NPY1R: variants seen among roughly 807,000 people sequenced by gnomAD.
NPY1R encodes neuropeptide Y receptor type 1.
NPY1R carries 10 observed loss-of-function variants against 24.1 expected under a neutral mutation model. The observed-to-expected ratio is 0.42, with a 90% CI of 0.26 to 0.71. The LOEUF is 0.71. Ranked by LOEUF, NPY1R falls within the 30% of genes least tolerant of loss-of-function variation. The pLI, the probability that NPY1R is intolerant of heterozygous loss-of-function variation, is 0.28. For synonymous variants in NPY1R, 168 were observed against 165.9 expected, an observed-to-expected ratio of 1.01 and a Z score of -0.10; for missense variants, 350 against 458.0, an observed-to-expected ratio of 0.76 and a Z score of 2.15.
Position 163,326,006 on chromosome 4 carries a change from C to G in NPY1R, c.549G>C (p.Pro183=), listed in dbSNP as rs181222308. The change falls in exon 2 of 3, where the codon CCG becomes CCC. Residue 183 remains proline, a synonymous_variant. Coordinates refer to ENST00000296533, the MANE Select transcript of NPY1R (RefSeq NM_000909.6). ...FLIYQVMTDE[P]FQNVTLDAYK... is the part of the protein sequence containing the mutation. ...ACGCATCAAGTGTTACATTTTGGAA[C>G]GGCTCATCAGTCATTACTTGGTAGA... 6.8e-6 allele frequency: 11 copies of G among 1,613,978 alleles called. No homozygotes were observed. The East Asian group carries it at 1.8e-4, about 26-fold the overall frequency.
At chr4:163,331,044 T>C (rs1734713760) in intron 1 of NPY1R, 1 of 152,224 alleles carries the variant, frequency 6.6e-6, no homozygotes, top group East Asian at 1.9e-4. Context: ...AATAAAGTAG[T>C]AGTCACGGAA....
At chr4:163,327,984 T>C (rs1578933233) in intron 1 of NPY1R, among the ~76,000 whole-genome samples, 1 of 152,118 alleles carries the variant, frequency 6.6e-6, no homozygotes. Flanking sequence ...GTTACTTCCA[T>C]TGAAAGAAAG....
chr4:163,333,146 C>G (rs1335422394), upstream of NPY1R: 9 of 152,152 alleles, frequency 5.9e-5, no homozygotes, highest in African/African-American at 2.2e-4. Context: ...AGCAGTCAAT[C>G]GGCCCTCCTT....
At position 163,325,600 on chromosome 4, in the gene NPY1R, A is replaced by C; in HGVS notation, c.858T>G (p.Phe286Leu). Residue 286 changes from phenylalanine to leucine, a missense_variant, in exon 3 of 3, where the codon TTT (phenylalanine) becomes TTG (leucine). Phe to Leu is a conservative substitution (Grantham distance 22). Transcript: ENST00000296533. ...WLPLTIFNTV[F>L]DWNHQIIATC... ...TAGCAATGATCTGATGATTCCAATC[A>C]AACACAGTGTTAAAGATGGTAAGAG... 2 of 1,613,788 alleles carry C rather than the reference A, an allele frequency of 1.2e-6. No individual in the cohort carries two copies. Among genetic ancestry groups the C allele is most frequent in the Non-Finnish European group, 1.7e-6 (2 of 1,179,998 alleles).
chr4:163,335,036 G>A (rs544655690), upstream of NPY1R, among the ~76,000 whole-genome samples: 17 of 152,130 alleles, frequency 1.1e-4, no homozygotes, highest in South Asian at 3.5e-3. Flanking sequence ...TTTAAAATAT[G>A]CAAAGTAGTT....
At position 163,325,856 on chromosome 4, in the gene NPY1R, C is replaced by T; in HGVS notation, c.699G>A (p.Lys233=). The stretch of plus-strand genomic sequence containing the variant: ...AATGATAGAAAAAAAGTTTTCTTAC[C>T]TTGAAGTAGCAAATAAATATAAAAC... ...PLCFIFICYF[K]IYIRLKRRNN... is the part of the protein sequence containing the mutation. The change falls in exon 2 of 3, where the codon AAG becomes AAA. Residue 233 remains lysine, a splice_region_variant and synonymous_variant. Coordinates refer to ENST00000296533, the MANE Select transcript of NPY1R (RefSeq NM_000909.6). 1 of 1,611,486 alleles carries T rather than the reference C, an allele frequency of 6.2e-7. No individual in the cohort carries two copies. Among genetic ancestry groups the T allele is most frequent in the Non-Finnish European group, 8.5e-7 (1 of 1,178,576 alleles).
intron 1 of NPY1R, among the ~76,000 whole-genome samples, chr4:163,331,840 C>T (rs1437681310): frequency 6.6e-6 from 1 of 152,222 alleles, no homozygotes; most frequent in Non-Finnish European, 1.5e-5. Flanking sequence ...CGGGGCGCAG[C>T]GCCACACTCG....
chr4:163,332,545 A>T lies in NPY1R; in HGVS notation c.-215T>A. On this transcript the variant is annotated 5_prime_UTR_variant, in exon 1 of 3. Transcript: ENST00000296533. Reference sequence around the variant, plus strand: ...AGAAGGAAGGGTGGGAATGGAAGGGAGCAGAGTGGGGAAGATCCGCTGGTA... The same window carrying T: ...AGAAGGAAGGGTGGGAATGGAAGGGTGCAGAGTGGGGAAGATCCGCTGGTA... 6.6e-6 allele frequency: 1 copy of T among 152,348 alleles called. No individual in the cohort carries two copies. The highest frequency in any genetic ancestry group is 2.4e-5 in the African/African-American group (1 of 41,536). 9.4% of individuals were successfully genotyped at this position (152,348 alleles called of 1,614,324 possible).
chr4:163,328,777 C>T (rs942783018), intron 1 of NPY1R, among the ~76,000 whole-genome samples: 9 of 152,192 alleles, frequency 5.9e-5, no homozygotes, highest in African/African-American at 2.2e-4. Flanking sequence ...TGGGTGTTCT[C>T]TCTCTCCCAC....
Position 163,325,188 on chromosome 4 carries a change from G to C in NPY1R, c.*115C>G, listed in dbSNP as rs962312382. ...TAAAAAGCAAGACAAGAAAATCTTAGTCATTTTCAAATGATTTCAACCCCA... is the reference window on the plus strand; with the variant it reads ...TAAAAAGCAAGACAAGAAAATCTTACTCATTTTCAAATGATTTCAACCCCA... On this transcript the variant is annotated 3_prime_UTR_variant, in exon 3 of 3. Coordinates refer to ENST00000296533, the MANE Select transcript of NPY1R (RefSeq NM_000909.6). The C allele has an allele frequency of 2.8e-5, 21 of 737,006 alleles. No homozygotes were observed. The highest frequency in any genetic ancestry group is 5.7e-5 in the Admixed American group (2 of 34,824). 45.7% of individuals were successfully genotyped at this position (737,006 alleles called of 1,614,324 possible). A position where few individuals can be genotyped will look rare whatever the true frequency, so the allele number is the denominator to read the frequency against.
rs376059612 is a variant in NPY1R at position 163,325,279 on chromosome 4, C to T, written c.*24G>A. On this transcript the variant is annotated 3_prime_UTR_variant, in exon 3 of 3. Transcript: ENST00000296533. Reference sequence around the variant, plus strand: ...TGCTTGTTTTTAAACAGATGTCATCCGGGACCATAGGCTATAAGTAGTTTC... The same window carrying T: ...TGCTTGTTTTTAAACAGATGTCATCTGGGACCATAGGCTATAAGTAGTTTC... 7.8e-6 allele frequency: 12 copies of T among 1,530,492 alleles called. No homozygotes were observed. Among genetic ancestry groups the T allele is most frequent in the East Asian group, 6.8e-5 (3 of 44,392 alleles). 94.8% of individuals were successfully genotyped at this position (1,530,492 alleles called of 1,614,324 possible).
Position 163,332,314 on chromosome 4 carries a change from G to C in NPY1R, c.-152+168C>G, listed in dbSNP as rs921463972. Among the ~76,000 whole-genome samples, 90 of 152,194 alleles carry C rather than the reference G, an allele frequency of 5.9e-4. 1 individual carries two copies. The highest frequency in any genetic ancestry group is 2.1e-3 in the African/African-American group (87 of 41,526). On this transcript the variant is annotated intron_variant, in intron 1 of 2. Transcript: ENST00000296533. ...TACCCTTCGGCAGGAGCCCGCGAACGGTCCGGTGATTTGGAGCAACCTGCG... is the reference window on the plus strand; with the variant it reads ...TACCCTTCGGCAGGAGCCCGCGAACCGTCCGGTGATTTGGAGCAACCTGCG...
At chr4:163,340,506 A>G (rs563396457) in intron 1 of NPY1R, among the ~76,000 whole-genome samples, 3 of 152,206 alleles carry the variant, frequency 2.0e-5, no homozygotes, top group African/African-American at 7.2e-5. Context: ...TTTAATATAG[A>G]GGGAAAATAA....
At position 163,325,126 on chromosome 4, in the gene NPY1R, G is replaced by T; in HGVS notation, c.*177C>A. 1 of 593,216 alleles carries T rather than the reference G, an allele frequency of 1.7e-6. No individual in the cohort carries two copies. The highest frequency in any genetic ancestry group is 2.9e-6 in the Non-Finnish European group (1 of 340,028). The allele number at this position is 593,216 out of a possible 1,614,324, so 36.7% of individuals were successfully genotyped here. A position where few individuals can be genotyped will look rare whatever the true frequency, so the allele number is the denominator to read the frequency against. ...GAAGACCCCAAAGCCCACACCTTTT[G>T]TTCCAAATGTAATTATGACAACTAC... On this transcript the variant is annotated 3_prime_UTR_variant, in exon 3 of 3. Transcript: ENST00000296533.
intron 1 of NPY1R, among the ~76,000 whole-genome samples, chr4:163,343,113 A>C (rs1175084026): frequency 6.6e-6 from 1 of 151,830 alleles, no homozygotes; most frequent in Non-Finnish European, 1.5e-5. Flanking sequence ...GATGGAAATC[A>C]TGTTGGGAAG....
chr4:163,343,271 T>G (rs1487292452), intron 1 of NPY1R, among the ~76,000 whole-genome samples: 1 of 151,644 alleles, frequency 6.6e-6, no homozygotes, highest in South Asian at 2.1e-4. Flanking sequence ...TCATTTCAGC[T>G]TCACTCCCCT....
chr4:163,334,555 G>C (rs935314105), upstream of NPY1R, among the ~76,000 whole-genome samples: 2 of 152,164 alleles, frequency 1.3e-5, no homozygotes, highest in Non-Finnish European at 2.9e-5. Context: ...ATGATACAAA[G>C]AGAAGTTCTG....
chr4:163,326,572 T>C lies in NPY1R; in HGVS notation c.-18A>G, dbSNP rs770721258. The C allele has an allele frequency of 1.7e-5, 26 of 1,497,910 alleles. No individual in the cohort carries two copies. Among genetic ancestry groups the C allele is most frequent in the Non-Finnish European group, 2.0e-5 (22 of 1,093,148 alleles). 92.8% of individuals were successfully genotyped at this position (1,497,910 alleles called of 1,614,324 possible). On this transcript the variant is annotated 5_prime_UTR_variant, in exon 2 of 3. Coordinates refer to ENST00000296533, the MANE Select transcript of NPY1R (RefSeq NM_000909.6). ...GAATTCATTTTGATTGGTTTGGTTG[T>C]TATAGATTATTTTAGACAAATGGAC...
chr4:163,338,349 G>GC (rs1734894168), intron 1 of NPY1R, among the ~76,000 whole-genome samples: 1 of 152,072 alleles, frequency 6.6e-6, no homozygotes, highest in Admixed American at 6.6e-5. Flanking sequence ...CTTCTTAAAT[G>GC]CCCCATGAAA....
Sources: allele counts gnomAD v4.1 joint callset (sites outside exome capture counted in the v4.1 genomes callset), GRCh38; gene constraint gnomAD v4.1.1; transcripts MANE v1.5; gene names NCBI Gene and HGNC (gene_info 2026-07-23, HGNC 2026-07-21).